CHRNE: variants seen among roughly 807,000 people sequenced by gnomAD.
CHRNE encodes acetylcholine receptor subunit epsilon.
CHRNE carries 58 observed loss-of-function variants against 56.5 expected under a neutral mutation model. That is an observed-to-expected ratio of 1.03 (90% CI 0.83 to 1.28). CHRNE has a LOEUF of 1.28. Ranked by LOEUF, CHRNE falls within the 50% of genes most tolerant of loss-of-function variation. The pLI is 0.00. For synonymous variants in CHRNE, 385 were observed against 297.9 expected (o/e 1.29, Z -3.01); for missense variants, 793 against 688.9 (o/e 1.15, Z -1.69).
In CHRNE at chr17:4,899,072, C is replaced by CGGG. The variant is rs769945146; in HGVS notation, c.1252_1254dup (p.Pro418dup). 6.2e-6 allele frequency: 10 copies of CGGG among 1,611,318 alleles called. No homozygotes were observed. Among genetic ancestry groups the CGGG allele is most frequent in the Non-Finnish European group, 5.9e-6 (7 of 1,179,558 alleles). ...ACGGCATCCACACAGCAGCGGACCT[C>CGGG]GGGGGCGGCGGCGCCCAGGCTCTGG... On this transcript the variant is annotated inframe_insertion, in exon 11 of 12. Coordinates refer to ENST00000649488, the MANE Select transcript of CHRNE (RefSeq NM_000080.4).
rs1597613302 is a variant in CHRNE, at chr17:4,899,003, C to CG, written c.1323dup (p.Glu442ArgfsTer14). On this transcript the variant is annotated frameshift_variant, in exon 11 of 12. Transcript: ENST00000649488. LOFTEE classifies it high-confidence loss of function. ...CCCGCCTCTGGCTCCTGTCCCACCT[C>CG]GCCGGTGGCCTCCTGATCTCTCGTG... 1.9e-6 allele frequency: 3 copies of CG among 1,594,498 alleles called. No individual in the cohort carries two copies. The highest frequency in any genetic ancestry group is 2.6e-6 in the Non-Finnish European group (3 of 1,171,856).
In CHRNE at chr17:4,902,351, G is replaced by C. The variant is rs140756451; in HGVS notation, c.235-25C>G. On this transcript the variant is annotated intron_variant, in intron 3 of 11. Coordinates refer to ENST00000649488, the MANE Select transcript of CHRNE (RefSeq NM_000080.4). The surrounding 1 kb of genome is among the most constrained non-coding windows in gnomAD (Gnocchi z 4.0). ...CCTAAGGGGTGGGGGATGGAAGGCC[G>C]CGTGCCCTGCATCTCCCACCTGGCG... 3.7e-6 allele frequency: 6 copies of C among 1,613,050 alleles called. No individual in the cohort carries two copies. The highest frequency in any genetic ancestry group is 5.1e-6 in the Non-Finnish European group (6 of 1,179,000).
intron 8 of CHRNE, chr17:4,900,070 C>T: frequency 6.4e-7 from 1 of 1,551,146 alleles, no homozygotes; most frequent in Non-Finnish European, 8.7e-7. Flanking sequence ...TGCTGCCTGC[C>T]CCGAAGCCCA....
At chr17:4,907,301 C>T (rs1292709305), upstream of CHRNE, among the ~76,000 whole-genome samples, 4 of 152,038 alleles carry the variant, frequency 2.6e-5, no homozygotes, top group African/African-American at 4.8e-5. Context: ...CGGGGGCTCA[C>T]GCCTGTAATC....
Position 4,902,252 on chromosome 17 carries a change from T to C in CHRNE, c.309A>G (p.Glu103=). ...GGIETLRVPS[E]LVWLPEIVLE... ...GCACAATCTCTGGCAGCCACACGAG[T>C]TCTGAAGGGACTCGCAGGGTTTCTA... Residue 103 remains glutamate, a synonymous_variant, in exon 4 of 12, where the codon GAA becomes GAG. Transcript: ENST00000649488. The surrounding 1 kb of genome is among the most constrained non-coding windows in gnomAD (Gnocchi z 4.0). The C allele has an allele frequency of 6.2e-7, 1 of 1,614,078 alleles. No individual in the cohort carries two copies. Among genetic ancestry groups the C allele is most frequent in the Non-Finnish European group, 8.5e-7 (1 of 1,180,006 alleles).
At chr17:4,905,357 TG>T (rs1161219957), upstream of CHRNE, among the ~76,000 whole-genome samples, 2 of 151,518 alleles carry the variant, frequency 1.3e-5, no homozygotes, top group Non-Finnish European at 1.5e-5. Flanking sequence ...AAGACCAGCC[TG>T]GGCAACACAG....
chr17:4,900,744 G>A (rs374963791), intron 8 of CHRNE, 49 bp downstream of exon 8: 171 of 1,565,924 alleles, frequency 1.1e-4, no homozygotes, highest in Non-Finnish European at 1.3e-4. Context: ...TTTTGGCCAC[G>A]CCCCCACCCT....
chr17:4,900,695 C>T, intron 8 of CHRNE, 98 bp downstream of exon 8: 6 of 1,460,970 alleles, frequency 4.1e-6, no homozygotes, highest in Non-Finnish European at 5.6e-6. Context: ...AAGCCCAGGG[C>T]GGGGCGAGAC....
intron 5 of CHRNE, 28 bp downstream of exon 5, chr17:4,901,904 G>A (rs780394697): frequency 4.0e-6 from 6 of 1,503,282 alleles, no homozygotes; most frequent in African/African-American, 2.9e-5. Flanking sequence ...AACAATAATC[G>A]TCCGGGCCTC....
At chr17:4,900,230 A>G (rs1426663224) in intron 8 of CHRNE, 30 of 1,547,150 alleles carry the variant, frequency 1.9e-5, no homozygotes, top group Non-Finnish European at 2.6e-5. Flanking sequence ...CTGTGCCCCC[A>G]ATGCAGATCT....
At chr17:4,899,801 G>C (rs1969901897) in intron 8 of CHRNE, 1 of 1,551,258 alleles carries the variant, frequency 6.4e-7, no homozygotes, top group African/African-American at 1.4e-5. Flanking sequence ...CCCTGATGTG[G>C]ATCTACCACT....
At position 4,897,971 on chromosome 17, in the gene CHRNE, T is replaced by TA. The variant is rs1969749465; in HGVS notation, c.*764dup. ...ATCTGTATATAGTGTGAGCAGCAAG[T>TA]AACCCTTCTCCCTCCCCCCCCACCC... On this transcript the variant is annotated 3_prime_UTR_variant, in exon 12 of 12. Coordinates refer to ENST00000649488, the MANE Select transcript of CHRNE (RefSeq NM_000080.4). The TA allele has an allele frequency of 1.5e-5, 1 of 65,356 alleles. No individual in the cohort carries two copies. Among genetic ancestry groups the TA allele is most frequent in the South Asian group, 5.4e-4 (1 of 1,868 alleles). The allele number at this position is 65,356 out of a possible 1,614,324, so 4.0% of individuals were successfully genotyped here.
At chr17:4,899,948 C>G in intron 8 of CHRNE, 4 of 1,550,672 alleles carry the variant, frequency 2.6e-6, no homozygotes, top group East Asian at 2.4e-5. Flanking sequence ...GGCCCTCCAG[C>G]CCCCGCTTCT....
intron 8 of CHRNE, chr17:4,900,111 C>A: frequency 6.4e-7 from 1 of 1,550,832 alleles, no homozygotes; most frequent in Non-Finnish European, 8.7e-7. Flanking sequence ...GAAGCCACAG[C>A]CAGCCTCGTG....
chr17:4,900,978 G>A lies in CHRNE; in HGVS notation c.802+12C>T. ...GCCCGGGTTTGGGGGTAGGTTCGGG[G>A]CCACTGCTTACCCTGCGCCGGCAGG... On this transcript the variant is annotated intron_variant, in intron 7 of 11. Transcript: ENST00000649488. 1 of 1,613,950 alleles carries A rather than the reference G, an allele frequency of 6.2e-7. No homozygotes were observed. The highest frequency in any genetic ancestry group is 1.1e-5 in the South Asian group (1 of 91,088).
Position 4,902,627 on chromosome 17 carries a change from G to A in CHRNE, c.183C>T (p.Ile61=), listed in dbSNP as rs761677000. 2.6e-5 allele frequency: 42 copies of A among 1,613,986 alleles called. No homozygotes were observed. The highest frequency in any genetic ancestry group is 3.6e-5 in the Non-Finnish European group (42 of 1,180,026). Residue 61 remains isoleucine, a synonymous_variant, in exon 2 of 12, where the codon ATC becomes ATT. Transcript: ENST00000649488. This position sits in a 1 kb window ranked among gnomAD's most constrained non-coding sequence, Gnocchi z 4.0. ...ISLKVTLTNL[I]SLNEKEETLT... is the part of the protein sequence containing the mutation. Reference sequence around the variant, plus strand: ...GAGGGTGGGGGTAGCTTACCAGTGAGATGAGATTCGTCAGGGTGACCTTGA... The same window carrying A: ...GAGGGTGGGGGTAGCTTACCAGTGAAATGAGATTCGTCAGGGTGACCTTGA...
In CHRNE at chr17:4,898,476, G is replaced by A; in HGVS notation, c.*260C>T. The stretch of plus-strand genomic sequence containing the variant: ...GAGCCTTAGAAAGGCTGGGAGGTCA[G>A]CAAGGCTGAATGAAGGGCAGTCCTT... On this transcript the variant is annotated 3_prime_UTR_variant, in exon 12 of 12. Transcript: ENST00000649488. The A allele has an allele frequency of 1.8e-6, 1 of 552,828 alleles. No individual in the cohort carries two copies. The allele number at this position is 552,828 out of a possible 1,614,324, so 34.2% of individuals were successfully genotyped here.
rs2229200 is a variant in CHRNE, at chr17:4,898,693, A to C, written c.*43T>G. On this transcript the variant is annotated 3_prime_UTR_variant, in exon 12 of 12. Coordinates refer to ENST00000649488, the MANE Select transcript of CHRNE (RefSeq NM_000080.4). Reference sequence around the variant, plus strand: ...GGCGGCAGCCTACTTTTTCAAAATCAATTTCCTACTGGAGATGGGTGGGAA... The same window carrying C: ...GGCGGCAGCCTACTTTTTCAAAATCCATTTCCTACTGGAGATGGGTGGGAA... 1 of 1,589,774 alleles carries C rather than the reference A, an allele frequency of 6.3e-7. No homozygotes were observed. The highest frequency in any genetic ancestry group is 8.6e-7 in the Non-Finnish European group (1 of 1,169,336).
rs566574941 is a variant in CHRNE at position 4,898,603 on chromosome 17, C to T, written c.*133G>A. 10 of 1,267,034 alleles carry T rather than the reference C, an allele frequency of 7.9e-6. No individual in the cohort carries two copies. Among genetic ancestry groups the T allele is most frequent in the African/African-American group, 4.4e-5 (3 of 67,790 alleles). The allele number at this position is 1,267,034 out of a possible 1,614,324, so 78.5% of individuals were successfully genotyped here. A position where few individuals can be genotyped will look rare whatever the true frequency, so the allele number is the denominator to read the frequency against. ...ACACACGCCAGGGAACGGGCACACA[C>T]CATTCTTGTGAAGTTCACAAACTGC... On this transcript the variant is annotated 3_prime_UTR_variant, in exon 12 of 12. Coordinates refer to ENST00000649488, the MANE Select transcript of CHRNE (RefSeq NM_000080.4).
Sources: allele counts gnomAD v4.1 joint callset (sites outside exome capture counted in the v4.1 genomes callset), GRCh38; gene constraint gnomAD v4.1.1; non-coding constraint Gnocchi (gnomAD v3.1); transcripts MANE v1.5; gene names NCBI Gene and HGNC (gene_info 2026-07-23, HGNC 2026-07-21).